The following OLFM4 variants were observed in gnomAD, a reference collection of about 807,000 sequenced individuals.
The protein encoded by OLFM4 is olfactomedin 4, also known as olfactomedin-4.
Under a neutral mutation model 25.5 loss-of-function variants are expected in OLFM4, and 22 were observed. The ratio of observed to expected loss-of-function variants is 0.86; its 90% CI spans 0.62 to 1.23. The LOEUF is 1.23. Ranked by LOEUF, OLFM4 falls within the 50% of genes most tolerant of loss-of-function variation. The probability of loss-of-function intolerance (pLI) is 0.00; values close to 1 mark genes in which losing one functional copy is unlikely to be tolerated. For synonymous variants in OLFM4, 255 were observed against 237.7 expected (o/e 1.07, Z -0.67); for missense variants, 594 against 619.4 (o/e 0.96, Z 0.44).
intron 4 of OLFM4, among the ~76,000 whole-genome samples, chr13:53,045,914 G>C (rs528787537): frequency 6.6e-6 from 1 of 152,100 alleles, no homozygotes; most frequent in African/African-American, 2.4e-5. Context: ...CTAAATGACT[G>C]TATATAGGCC....
In OLFM4 at chr13:53,034,430, T is replaced by G; in HGVS notation, c.287T>G (p.Val96Gly). The part of the protein sequence containing the change: ...SVSLPDTTFP[V>G]DRVERLEFTA... ...TCCCTGCCAGACACCACCTTTCCCG[T>G]GGACAGAGTGGAACGCTTGGAATTC... is the stretch of plus-strand genomic sequence containing the variant. Residue 96 changes from valine to glycine, a missense_variant, in exon 2 of 5, where the codon GTG becomes GGG. Physicochemically the swap from Val to Gly is moderately radical, Grantham distance 109. Coordinates refer to ENST00000219022, the MANE Select transcript of OLFM4 (RefSeq NM_006418.5). 1 of 1,614,106 alleles carries G rather than the reference T, an allele frequency of 6.2e-7. No homozygotes were observed. Among genetic ancestry groups the G allele is most frequent in the East Asian group, 2.2e-5 (1 of 44,880 alleles).
Position 53,050,016 on chromosome 13 carries a change from GTTCAGCTCA to G in OLFM4, c.779_787del (p.Val260_Asn263delinsAsp). 6.2e-7 allele frequency: 1 copy of G among 1,612,978 alleles called. No homozygotes were observed. Among genetic ancestry groups the G allele is most frequent in the East Asian group, 2.2e-5 (1 of 44,832 alleles). On this transcript the variant is annotated inframe_deletion, in exon 5 of 5. Transcript: ENST00000219022. ...GGTGAACATCAGCAAACCGTCTGTG[GTTCAGCTCA>G]ACTGGAGAGGGTTTTCTTATCTATA...
intron 1 of OLFM4, among the ~76,000 whole-genome samples, chr13:53,032,734 T>TC (rs397798244): frequency 1.3e-5 from 2 of 152,028 alleles, no homozygotes; most frequent in African/African-American, 2.4e-5. Context: ...ATTTTTTTTT[T>TC]CTGCTCATCT....
At chr13:53,034,228 A>G (rs1182210624) in intron 1 of OLFM4, 120 bp from the exon 2 acceptor site, 17 of 858,122 alleles carry the variant, frequency 2.0e-5, no homozygotes, top group Non-Finnish European at 3.1e-5. Flanking sequence ...CTATTCATTT[A>G]TGTATTGGAC....
At chr13:53,039,197 G>A (rs574379564) in intron 2 of OLFM4, among the ~76,000 whole-genome samples, 10 of 152,338 alleles carry the variant, frequency 6.6e-5, no homozygotes, top group South Asian at 2.1e-4. Flanking sequence ...GAAGCTGAGG[G>A]TGTTTCATTT....
intron 2 of OLFM4, among the ~76,000 whole-genome samples, chr13:53,041,545 A>G (rs1954686877): frequency 6.6e-6 from 1 of 152,180 alleles, no homozygotes; most frequent in African/African-American, 2.4e-5. Context: ...CTGCGAGACA[A>G]AATAACCTTT....
chr13:53,029,273 C>T (rs1231535667), intron 1 of OLFM4, among the ~76,000 whole-genome samples: 1 of 152,168 alleles, frequency 6.6e-6, no homozygotes, highest in African/African-American at 2.4e-5. Flanking sequence ...AATATCTATG[C>T]TTTAGAGGAA....
At chr13:53,044,191 T>C (rs1472897337) in intron 4 of OLFM4, among the ~76,000 whole-genome samples, 1 of 152,170 alleles carries the variant, frequency 6.6e-6, no homozygotes. Context: ...GTTAATAATG[T>C]TGATAATTGA....
intron 4 of OLFM4, among the ~76,000 whole-genome samples, chr13:53,046,222 G>A (rs1954714769): frequency 6.6e-6 from 1 of 152,172 alleles, no homozygotes; most frequent in Admixed American, 6.6e-5. Flanking sequence ...GCCCAGTTGA[G>A]AGAGTGCATT....
At chr13:53,048,950 A>G (rs1954729927) in intron 4 of OLFM4, among the ~76,000 whole-genome samples, 3 of 152,120 alleles carry the variant, frequency 2.0e-5, no homozygotes, top group African/African-American at 7.2e-5. Context: ...GAGGAACTTT[A>G]TTTTATTTTT....
chr13:53,044,570 A>G (rs556540947), intron 4 of OLFM4, among the ~76,000 whole-genome samples: 2 of 152,214 alleles, frequency 1.3e-5, no homozygotes, highest in Non-Finnish European at 2.9e-5. Context: ...CCCTCTGCAA[A>G]TAGGAGTGTG....
rs565667724 is a variant in OLFM4 at position 53,037,677 on chromosome 13, T to G, written c.357+3177T>G. Among the ~76,000 whole-genome samples the G allele has an allele frequency of 1.8e-4, 27 of 152,228 alleles. 1 individual carries two copies. The highest frequency in any genetic ancestry group is 2.7e-4 in the African/African-American group (11 of 41,462). On this transcript the variant is annotated intron_variant, in intron 2 of 4. Coordinates refer to ENST00000219022, the MANE Select transcript of OLFM4 (RefSeq NM_006418.5). ...TTGCCCACTAAGTACTGAAGTTAGA[T>G]TTGAGTCTAGTTGGGTCTAGCTCCA... is the stretch of plus-strand genomic sequence containing the variant.
At chr13:53,044,705 G>A (rs1005197554) in intron 4 of OLFM4, among the ~76,000 whole-genome samples, 1 of 152,130 alleles carries the variant, frequency 6.6e-6, no homozygotes, top group Admixed American at 6.6e-5. Flanking sequence ...TCCTGCATAG[G>A]AGGTTTAGGG....
chr13:53,050,102 T>C lies in OLFM4; in HGVS notation c.864T>C (p.Tyr288=). ...YSPQHPNKGL[Y]WVAPLNTDGR... ...CCCAGCATCCAAACAAAGGACTGTA[T>C]TGGGTGGCGCCATTGAATACAGATG... The change falls in exon 5 of 5, where the codon TAT becomes TAC. Residue 288 remains tyrosine (Y), a synonymous_variant. Transcript: ENST00000219022. 1 of 1,613,948 alleles carries C rather than the reference T, an allele frequency of 6.2e-7. No individual in the cohort carries two copies. The highest frequency in any genetic ancestry group is 2.2e-5 in the East Asian group (1 of 44,872).
intron 4 of OLFM4, among the ~76,000 whole-genome samples, chr13:53,043,552 C>A (rs1005190553): frequency 6.6e-6 from 1 of 151,982 alleles, no homozygotes; most frequent in Non-Finnish European, 1.5e-5. Context: ...TAACAGGGAA[C>A]AAAAATCTCT....
chr13:53,039,049 T>C (rs569860535), intron 2 of OLFM4, among the ~76,000 whole-genome samples: 1 of 152,244 alleles, frequency 6.6e-6, no homozygotes, highest in South Asian at 2.1e-4. Flanking sequence ...CACATTTTTA[T>C]AGGTAACAAA....
At position 53,050,303 on chromosome 13, in the gene OLFM4, C is replaced by G. The variant is rs754937510; in HGVS notation, c.1065C>G (p.Thr355=). 5.6e-6 allele frequency: 9 copies of G among 1,613,924 alleles called. No homozygotes were observed. The African/African-American group carries it at 8.0e-5, about 14-fold the overall frequency. The part of the protein sequence containing the change: ...TGNIARVNLT[T]NTIAVTQTLP... Reference sequence around the variant, plus strand: ...ATATTGCCAGAGTTAACCTGACCACCAACACGATTGCTGTGACTCAAACTC... The same window carrying G: ...ATATTGCCAGAGTTAACCTGACCACGAACACGATTGCTGTGACTCAAACTC... Residue 355 remains threonine, a synonymous_variant, in exon 5 of 5, where the codon ACC becomes ACG. Transcript: ENST00000219022.
chr13:53,033,000 C>T (rs1732378713), intron 1 of OLFM4, among the ~76,000 whole-genome samples: 2 of 152,112 alleles, frequency 1.3e-5, no homozygotes, highest in African/African-American at 4.8e-5. Flanking sequence ...ATAAAAAGTC[C>T]CTTCAGGCTG....
intron 2 of OLFM4, among the ~76,000 whole-genome samples, chr13:53,041,092 A>G (rs1380371848): frequency 6.6e-6 from 1 of 152,158 alleles, no homozygotes; most frequent in Non-Finnish European, 1.5e-5. Context: ...AAAAAGAACT[A>G]TTATTCAACC....
Sources: allele counts gnomAD v4.1 joint callset (sites outside exome capture counted in the v4.1 genomes callset), GRCh38; gene constraint gnomAD v4.1.1; transcripts MANE v1.5; gene names NCBI Gene and HGNC (gene_info 2026-07-23, HGNC 2026-07-21).